Variants in OPCML observed in about 807,000 individuals in gnomAD.
The protein encoded by OPCML is opioid-binding protein/cell adhesion molecule.
Under a neutral mutation model 37.8 loss-of-function variants are expected in OPCML, and 13 were observed. The ratio of observed to expected loss-of-function variants is 0.34; its 90% CI spans 0.22 to 0.55. The LOEUF (loss-of-function observed/expected upper bound fraction) is 0.55, where lower values mean the gene tolerates loss of function less well. Among genes scored for constraint, OPCML ranks in the 20% least tolerant of loss-of-function variants. OPCML has a pLI of 0.91. For missense variants in OPCML, 341 were observed against 435.6 expected (o/e 0.78, Z 1.93); for synonymous variants, 176 against 168.8 (o/e 1.04, Z -0.33).
chr11:133,398,564 C>T (rs1274838556), intron 1 of OPCML, among the ~76,000 whole-genome samples: 2 of 152,048 alleles, frequency 1.3e-5, no homozygotes, highest in Non-Finnish European at 2.9e-5. Flanking sequence ...CCATAAATTC[C>T]TTCTCTCTAT....
At chr11:132,529,775 T>G (rs150922338) in intron 3 of OPCML, among the ~76,000 whole-genome samples, 190 of 152,314 alleles carry the variant, frequency 1.2e-3, no homozygotes, top group African/African-American at 4.3e-3. Flanking sequence ...TAAAACTCAG[T>G]GAAATTTTCT....
At chr11:132,608,376 A>G (rs1938437243) in intron 3 of OPCML, among the ~76,000 whole-genome samples, 4 of 152,186 alleles carry the variant, frequency 2.6e-5, no homozygotes. Context: ...CAGTCCAGGG[A>G]AGAGGGACTG....
At chr11:132,558,767 C>T (rs1258001847) in intron 3 of OPCML, among the ~76,000 whole-genome samples, 1 of 151,790 alleles carries the variant, frequency 6.6e-6, no homozygotes, top group Non-Finnish European at 1.5e-5. Context: ...AACAAAAGTC[C>T]CATCTTTACA....
intron 1 of OPCML, among the ~76,000 whole-genome samples, chr11:133,170,499 A>G (rs1444642140): frequency 6.7e-6 from 1 of 149,364 alleles, no homozygotes; most frequent in East Asian, 1.9e-4. Flanking sequence ...CACACAAACA[A>G]AAAAGGATAT....
rs138430430 is a variant in OPCML at position 133,399,234 on chromosome 11, A to T, written c.61+133030T>A. 5.5e-3 allele frequency among the ~76,000 whole-genome samples: 836 copies of T among 152,262 alleles called. 6 individuals are homozygous for T. The highest frequency in any genetic ancestry group is 7.7e-3 in the Non-Finnish European group (522 of 68,012). Reference sequence around the variant, plus strand: ...TTTTTAACTTGTGAATTTTTTTGGCAGGGACTAGCTCAGGCCTGCCATCTC... The same window carrying T: ...TTTTTAACTTGTGAATTTTTTTGGCTGGGACTAGCTCAGGCCTGCCATCTC... On this transcript the variant is annotated intron_variant, in intron 1 of 7. Transcript: ENST00000524381.
chr11:133,229,770 C>T (rs1940196979), intron 1 of OPCML, among the ~76,000 whole-genome samples: 1 of 152,190 alleles, frequency 6.6e-6, no homozygotes, highest in Non-Finnish European at 1.5e-5. Context: ...AACTGCTGGA[C>T]AAGTTTTCAG....
chr11:132,830,524 C>T (rs556955049), intron 2 of OPCML, among the ~76,000 whole-genome samples: 1 of 152,332 alleles, frequency 6.6e-6, no homozygotes, highest in African/African-American at 2.4e-5. Flanking sequence ...AGGATGCCTT[C>T]TGCAGTTCTC....
At chr11:133,460,842 A>T (rs531059894) in intron 1 of OPCML, among the ~76,000 whole-genome samples, 1 of 152,030 alleles carries the variant, frequency 6.6e-6, no homozygotes, top group South Asian at 2.1e-4. Flanking sequence ...ATACTAGCAA[A>T]TAGGATTCAA....
intron 2 of OPCML, among the ~76,000 whole-genome samples, chr11:132,767,583 T>G (rs76612911): frequency 0.015 from 2,268 of 152,294 alleles, 51 homozygotes; most frequent in African/African-American, 0.051. Context: ...TGCCATTTGC[T>G]CCCTCTGGCT....
chr11:132,509,552 C>CA (rs2096264364), intron 4 of OPCML, among the ~76,000 whole-genome samples: 1 of 152,162 alleles, frequency 6.6e-6, no homozygotes, highest in African/African-American at 2.4e-5. Context: ...GTATTGTGTG[C>CA]AGCCTAGGGA....
intron 3 of OPCML, among the ~76,000 whole-genome samples, chr11:132,598,434 T>C (rs2096495966): frequency 6.6e-6 from 1 of 152,106 alleles, no homozygotes; most frequent in African/African-American, 2.4e-5. Context: ...TCTCAAACTA[T>C]TACAATAATT....
At chr11:132,469,668 A>ATG (rs1172537852) in intron 4 of OPCML, among the ~76,000 whole-genome samples, 1 of 51,464 alleles carries the variant, frequency 1.9e-5, no homozygotes, top group Non-Finnish European at 3.6e-5. Flanking sequence ...GTGGGGGTGT[A>ATG]TGTGTGTGTA....
chr11:132,698,090 G>A (rs528350591), intron 2 of OPCML, among the ~76,000 whole-genome samples: 315 of 150,722 alleles, frequency 2.1e-3, no homozygotes, highest in Middle Eastern at 6.9e-3. Flanking sequence ...TCAGCCTCCC[G>A]AAGTGCTGGG....
chr11:132,483,506 G>A (rs1478337698), intron 4 of OPCML, among the ~76,000 whole-genome samples: 2 of 152,092 alleles, frequency 1.3e-5, no homozygotes, highest in African/African-American at 2.4e-5. Context: ...GTAATTTACA[G>A]ATTCAATGCC....
chr11:133,478,800 A>G (rs79500681), intron 1 of OPCML, among the ~76,000 whole-genome samples: 3,420 of 151,650 alleles, frequency 0.023, 128 homozygotes, highest in African/African-American at 0.079. Flanking sequence ...TAATATTAGA[A>G]TTGGAATTCC....
intron 4 of OPCML, among the ~76,000 whole-genome samples, chr11:132,451,937 T>G (rs2096069321): frequency 6.6e-6 from 1 of 152,196 alleles, no homozygotes; most frequent in African/African-American, 2.4e-5. Flanking sequence ...AACTCTGCCC[T>G]CACTGGATTT....
intron 4 of OPCML, among the ~76,000 whole-genome samples, chr11:132,492,337 A>C (rs1273679808): frequency 6.6e-6 from 1 of 152,098 alleles, no homozygotes; most frequent in Non-Finnish European, 1.5e-5. Context: ...TAGATGCTGC[A>C]CTGATGTGGT....
At chr11:133,401,420 C>T (rs1330726995) in intron 1 of OPCML, among the ~76,000 whole-genome samples, 1 of 151,918 alleles carries the variant, frequency 6.6e-6, no homozygotes, top group Non-Finnish European at 1.5e-5. Context: ...TTCTAAAAGG[C>T]CTGTGAAATG....
rs185193807 is a variant in OPCML at position 132,854,461 on chromosome 11, G to A, written c.146+88465C>T. Among the ~76,000 whole-genome samples, 24 of 152,290 alleles carry A rather than the reference G, an allele frequency of 1.6e-4. No homozygotes were observed. The East Asian group carries it at 4.7e-3, about 30-fold the overall frequency. ...CCTCCCTCCAGGTTGGAGGTTGGGA[G>A]TGAAAGTTCCAAGGCTCTAATCACA... On this transcript the variant is annotated intron_variant, in intron 2 of 7. Coordinates refer to ENST00000524381, the MANE Select transcript of OPCML (RefSeq NM_001012393.5).
Sources: allele counts gnomAD v4.1 joint callset (sites outside exome capture counted in the v4.1 genomes callset), GRCh38; gene constraint gnomAD v4.1.1; transcripts MANE v1.5; gene names NCBI Gene and HGNC (gene_info 2026-07-23, HGNC 2026-07-21).